The following COL22A1 variants were observed in gnomAD, a reference collection of about 807,000 sequenced individuals.
COL22A1 encodes the protein collagen type XXII alpha 1 chain, also known as collagen alpha-1(XXII) chain.
In COL22A1, 221 loss-of-function variants were observed where a neutral mutation model predicts 248.9. That is an observed-to-expected ratio of 0.89 (90% CI 0.80 to 0.99). The LOEUF (loss-of-function observed/expected upper bound fraction) is 0.99, where lower values mean the gene tolerates loss of function less well. COL22A1 is among the 50% of genes least tolerant of loss of function. The probability of loss-of-function intolerance (pLI) is 0.00; values close to 1 mark genes in which losing one functional copy is unlikely to be tolerated. For synonymous variants in COL22A1, 891 were observed against 793.4 expected, an observed-to-expected ratio of 1.12 and a Z score of -2.07; for missense variants, 2,240 against 2,179.0, an observed-to-expected ratio of 1.03 and a Z score of -0.56.
rs1051109179 is a variant in COL22A1, at chr8:138,755,455, TGAG to T, written c.1977+24_1977+26del. On this transcript the variant is annotated intron_variant, in intron 20 of 64. Transcript: ENST00000303045. ...GTTTCTGCTGTGACCTAAATCCCCA[TGAG>T]AAGAAGACGCGTGTGCCTCTTACCT... is the stretch of plus-strand genomic sequence containing the variant. 7.5e-6 allele frequency: 12 copies of T among 1,609,494 alleles called. No individual in the cohort carries two copies. The African/African-American group carries it at 1.5e-4, about 20-fold the overall frequency.
intron 12 of COL22A1, among the ~76,000 whole-genome samples, chr8:138,788,008 A>C (rs992863641): frequency 6.6e-6 from 1 of 152,210 alleles, no homozygotes; most frequent in Non-Finnish European, 1.5e-5. Flanking sequence ...TGTTAACAAA[A>C]AGATCGTTGC....
Position 138,796,956 on chromosome 8 carries a change from T to G in COL22A1, c.1558-99A>C, listed in dbSNP as rs989387510. ...TCCCGAGATTTGAAAGGATTAGATA[T>G]TTTCTCATCAGCTCTGCCCAGTAGC... is the stretch of plus-strand genomic sequence containing the variant. On this transcript the variant is annotated intron_variant, in intron 11 of 64. Transcript: ENST00000303045. 10 of 850,938 alleles carry G rather than the reference T, an allele frequency of 1.2e-5. No homozygotes were observed. The South Asian group carries it at 1.2e-4, about 10-fold the overall frequency. The allele number at this position is 850,938 out of a possible 1,614,324, so 52.7% of individuals were successfully genotyped here. A position where few individuals can be genotyped will look rare whatever the true frequency, so the allele number is the denominator to read the frequency against.
chr8:138,771,609 G>C (rs1834372584), intron 16 of COL22A1, among the ~76,000 whole-genome samples: 1 of 152,204 alleles, frequency 6.6e-6, no homozygotes, highest in Non-Finnish European at 1.5e-5. Flanking sequence ...AAAGCCTGTT[G>C]CTTCCAAACG....
intron 12 of COL22A1, among the ~76,000 whole-genome samples, chr8:138,794,927 A>C (rs950334404): frequency 2.0e-5 from 3 of 152,104 alleles, no homozygotes; most frequent in African/African-American, 7.2e-5. Flanking sequence ...GGGAGATGCC[A>C]ATTAATGGGC....
chr8:138,629,759 G>A (rs146311098), intron 50 of COL22A1, among the ~76,000 whole-genome samples: 185 of 152,306 alleles, frequency 1.2e-3, no homozygotes, highest in African/African-American at 4.2e-3. Context: ...TGACATGGAC[G>A]AAGTCTTATT....
intron 55 of COL22A1, among the ~76,000 whole-genome samples, chr8:138,615,093 G>C (rs569010847): frequency 6.6e-6 from 1 of 152,326 alleles, no homozygotes; most frequent in South Asian, 2.1e-4. Flanking sequence ...CACATGCAAA[G>C]GGCTGGTCCC....
chr8:138,883,317 C>A (rs2132072960), intron 1 of COL22A1, 73 bp from the exon 2 acceptor site: 9 of 791,468 alleles, frequency 1.1e-5, no homozygotes, highest in Non-Finnish European at 1.2e-5. Flanking sequence ...CTGGGCCCTG[C>A]CCAGGGGGAT....
At chr8:138,851,464 G>T (rs571933968) in intron 3 of COL22A1, among the ~76,000 whole-genome samples, 26 of 152,204 alleles carry the variant, frequency 1.7e-4, no homozygotes, top group African/African-American at 6.0e-4. Flanking sequence ...AGCAGCAGGC[G>T]CTGCTCATGG....
At chr8:138,773,275 G>A (rs527926674) in intron 16 of COL22A1, among the ~76,000 whole-genome samples, 44 of 152,118 alleles carry the variant, frequency 2.9e-4, no homozygotes, top group Non-Finnish European at 5.6e-4. Flanking sequence ...AGAAGCCACC[G>A]CCTTCCCAGG....
intron 16 of COL22A1, among the ~76,000 whole-genome samples, chr8:138,774,533 C>A (rs1039057677): frequency 1.1e-4 from 16 of 151,790 alleles, no homozygotes; most frequent in African/African-American, 3.9e-4. Flanking sequence ...ATTCTCCTGC[C>A]TCAGCCTCCC....
intron 43 of COL22A1, 73 bp downstream of exon 43, chr8:138,661,957 A>G: frequency 2.6e-6 from 3 of 1,167,028 alleles, no homozygotes; most frequent in South Asian, 3.0e-5. Flanking sequence ...GGAGGCCAGG[A>G]GATGGTGGAG....
At chr8:138,880,470 CA>C (rs1824113474) in intron 2 of COL22A1, among the ~76,000 whole-genome samples, 1 of 152,128 alleles carries the variant, frequency 6.6e-6, no homozygotes, top group African/African-American at 2.4e-5. Flanking sequence ...CTTATATTTG[CA>C]AGCAATAAAG....
Position 138,716,882 on chromosome 8 carries a change from T to C in COL22A1, c.2356-13A>G, listed in dbSNP as rs752876607. ...CCCCAATTTCTCCCTGAAAATGCAA[T>C]AAAACATACCCCATTATTCTCCATT... On this transcript the variant is annotated splice_polypyrimidine_tract_variant and intron_variant, in intron 27 of 64. Coordinates refer to ENST00000303045, the MANE Select transcript of COL22A1 (RefSeq NM_152888.3). The C allele has an allele frequency of 6.9e-6, 11 of 1,600,666 alleles. No individual in the cohort carries two copies. In the East Asian group the frequency reaches 2.5e-4, roughly 36 times the overall value.
chr8:138,739,103 C>A (rs749604807), intron 22 of COL22A1, among the ~76,000 whole-genome samples: 2 of 152,194 alleles, frequency 1.3e-5, no homozygotes, highest in Non-Finnish European at 2.9e-5. Flanking sequence ...AGGATGATAT[C>A]ATTAAAACAT....
chr8:138,601,201 CAT>C (rs1040537059), intron 60 of COL22A1, among the ~76,000 whole-genome samples: 7 of 152,028 alleles, frequency 4.6e-5, no homozygotes, highest in African/African-American at 1.7e-4. Flanking sequence ...TTCTCAGCCA[CAT>C]GTCCCTCATG....
chr8:138,593,950 C>G, intron 63 of COL22A1, 67 bp downstream of exon 63: 6 of 1,297,580 alleles, frequency 4.6e-6, no homozygotes, highest in East Asian at 2.8e-5. Context: ...AGTGCCACCT[C>G]CCAGCCCTGT....
intron 63 of COL22A1, 134 bp downstream of exon 63, chr8:138,593,883 C>G: frequency 3.2e-6 from 2 of 630,740 alleles, no homozygotes; most frequent in East Asian, 3.3e-5. Flanking sequence ...TATATGATGC[C>G]AAAACTCTGG....
chr8:138,748,758 T>G (rs1442253701), intron 22 of COL22A1, among the ~76,000 whole-genome samples: 1 of 152,238 alleles, frequency 6.6e-6, no homozygotes, highest in African/African-American at 2.4e-5. Context: ...CACCATTGCA[T>G]GGGTGGCTGG....
intron 6 of COL22A1, among the ~76,000 whole-genome samples, chr8:138,822,270 A>C (rs1276135156): frequency 6.6e-6 from 1 of 152,166 alleles, no homozygotes; most frequent in East Asian, 1.9e-4. Context: ...GGCTGGTCTC[A>C]AACTCCTGAC....
Sources: allele counts gnomAD v4.1 joint callset (sites outside exome capture counted in the v4.1 genomes callset), GRCh38; gene constraint gnomAD v4.1.1; transcripts MANE v1.5; gene names NCBI Gene and HGNC (gene_info 2026-07-23, HGNC 2026-07-21).